SMARCA2: variants seen among roughly 807,000 people sequenced by gnomAD.
SMARCA2 encodes SWI/SNF related BAF chromatin remodeling complex subunit ATPase 2.
Under a neutral mutation model 199.8 loss-of-function variants are expected in SMARCA2, and 61 were observed. The observed-to-expected ratio is 0.31, with a 90% CI of 0.25 to 0.38. The LOEUF (loss-of-function observed/expected upper bound fraction) is 0.38. Ranked by LOEUF, SMARCA2 falls within the 10% of genes least tolerant of loss-of-function variation. SMARCA2 has a pLI of 1.00. For missense variants in SMARCA2, 1,344 were observed against 2,012.2 expected, an observed-to-expected ratio of 0.67 and a Z score of 6.35; for synonymous variants, 935 against 732.0, an observed-to-expected ratio of 1.28 and a Z score of -4.48.
chr9:2,062,219 A>T (rs1211388403), intron 9 of SMARCA2, among the ~76,000 whole-genome samples: 1 of 152,214 alleles, frequency 6.6e-6, no homozygotes, highest in Non-Finnish European at 1.5e-5. Context: ...TCCAGAAAAA[A>T]TTTTTAAAAA....
intron 21 of SMARCA2, 69 bp from the exon 22 acceptor site, chr9:2,101,501 T>G: frequency 1.2e-6 from 1 of 829,642 alleles, no homozygotes; most frequent in Non-Finnish European, 1.9e-6. Flanking sequence ...ATAACCTCAC[T>G]AAAAGAGTAA....
At position 2,074,537 on chromosome 9, in the gene SMARCA2, T is replaced by A. The variant is rs554390519; in HGVS notation, c.1935+914T>A. 4.6e-5 allele frequency among the ~76,000 whole-genome samples: 7 copies of A among 152,210 alleles called. No individual in the cohort carries two copies. The South Asian group carries it at 1.5e-3, about 32-fold the overall frequency. ...TTAATGCTTTTGTAAAGAGAAAGAA[T>A]AATAAAAGTTACATTACAAAAAAGC... On this transcript the variant is annotated intron_variant, in intron 12 of 33. Transcript: ENST00000349721.
Position 2,101,625 on chromosome 9 carries a change from C to A in SMARCA2, c.3125+9C>A. The A allele has an allele frequency of 6.7e-7, 1 of 1,497,926 alleles. No individual in the cohort carries two copies. The highest frequency in any genetic ancestry group is 9.2e-7 in the Non-Finnish European group (1 of 1,084,452). 92.8% of individuals were successfully genotyped at this position (1,497,926 alleles called of 1,614,324 possible). A position where few individuals can be genotyped will look rare whatever the true frequency, so the allele number is the denominator to read the frequency against. On this transcript the variant is annotated intron_variant, in intron 22 of 33. Transcript: ENST00000349721. The stretch of plus-strand genomic sequence containing the variant: ...AATGGGGTCATCAATGGGTAAATCT[C>A]AAATTTTTTTTTCTTTTAAAAAAAA...
At chr9:2,173,466 G>T (rs1826368734) in intron 29 of SMARCA2, among the ~76,000 whole-genome samples, 1 of 152,182 alleles carries the variant, frequency 6.6e-6, no homozygotes, top group African/African-American at 2.4e-5. Context: ...TCATTATAGA[G>T]AAATTACCAT....
intron 31 of SMARCA2, 79 bp downstream of exon 31, chr9:2,182,321 C>G (rs754653448): frequency 2.3e-6 from 2 of 856,026 alleles, no homozygotes; most frequent in Admixed American, 4.4e-5. Flanking sequence ...ATTTCATTTT[C>G]TACCTCTTGA....
chr9:2,043,888 T>C (rs1206302705), intron 4 of SMARCA2: 2 of 152,244 alleles, frequency 1.3e-5, no homozygotes, highest in African/African-American at 4.8e-5. Context: ...AAATGAGGAC[T>C]GAAGGGAAAG....
chr9:2,057,807 A>T (rs1374993135), intron 7 of SMARCA2, among the ~76,000 whole-genome samples: 2 of 152,220 alleles, frequency 1.3e-5, no homozygotes, highest in Admixed American at 6.5e-5. Context: ...GTATATATTT[A>T]AAAAGTGGAT....
intron 22 of SMARCA2, among the ~76,000 whole-genome samples, chr9:2,103,212 A>T (rs1366840432): frequency 1.3e-5 from 2 of 152,164 alleles, no homozygotes; most frequent in African/African-American, 4.8e-5. Context: ...AAATATTTTC[A>T]GCTTTGTGGG....
rs190752913 is a variant in SMARCA2, at chr9:2,097,372, C to T, written c.2992-13C>T. ...ATAATTAATTCTATTTTTCCCTTTC[C>T]ACTGGTTCTTAGGGGAAAGGAGGTG... On this transcript the variant is annotated splice_polypyrimidine_tract_variant and intron_variant, in intron 20 of 33. Coordinates refer to ENST00000349721, the MANE Select transcript of SMARCA2 (RefSeq NM_003070.5). 1.0e-5 allele frequency: 16 copies of T among 1,556,726 alleles called. No individual in the cohort carries two copies. The East Asian group carries it at 2.0e-4, about 20-fold the overall frequency.
rs567348902 is a variant in SMARCA2 at position 2,039,719 on chromosome 9, G to A, written c.609G>A (p.Gln203=). The A allele has an allele frequency of 6.8e-6, 11 of 1,613,990 alleles. No homozygotes were observed. Among genetic ancestry groups the A allele is most frequent in the Non-Finnish European group, 9.3e-6 (11 of 1,180,026 alleles). The change falls in exon 4 of 34, where the codon CAG becomes CAA. Residue 203 remains glutamine, a synonymous_variant. Coordinates refer to ENST00000349721, the MANE Select transcript of SMARCA2 (RefSeq NM_003070.5). The surrounding 1 kb of genome is among the most constrained non-coding windows in gnomAD (Gnocchi z 4.8). ...ARGQPLPETL[Q]LAVQGKRTLP... ...GCCAGCCCCTCCCCGAAACGCTGCA[G>A]CTTGCAGTCCAGGGGAAAAGGACGT...
Position 2,083,359 on chromosome 9 carries a change from C to A in SMARCA2, c.2361C>A (p.Asn787Lys), listed in dbSNP as rs1343138502. 1 of 1,583,984 alleles carries A rather than the reference C, an allele frequency of 6.3e-7. No homozygotes were observed. ...TTTTGTTCCATAGGACTCTATCTAA[C>A]TGGACATATGAATTTGACAAATGGG... ...LIIVPLSTLS[N>K]WTYEFDKWAP... is the part of the protein sequence containing the mutation. Residue 787 changes from asparagine to lysine, a missense_variant, in exon 16 of 34, where the codon AAC becomes AAA. Physicochemically the swap from Asn to Lys is moderately conservative, Grantham distance 94. Transcript: ENST00000349721.
At chr9:2,116,471 A>G (rs1458156760) in intron 25 of SMARCA2, among the ~76,000 whole-genome samples, 2 of 152,242 alleles carry the variant, frequency 1.3e-5, no homozygotes, top group Non-Finnish European at 2.9e-5. Context: ...ATCAGGGATC[A>G]CAGAGCTTCA....
chr9:2,162,027 T>G, intron 28 of SMARCA2, 124 bp downstream of exon 28: 1 of 689,884 alleles, frequency 1.4e-6, no homozygotes, highest in East Asian at 2.7e-5. Flanking sequence ...GTTTGTGTTT[T>G]ATGGCTTTCT....
intron 26 of SMARCA2, among the ~76,000 whole-genome samples, chr9:2,120,079 C>T (rs550044655): frequency 5.3e-5 from 8 of 152,284 alleles, no homozygotes; most frequent in South Asian, 2.1e-4. Context: ...AGATTGTTGA[C>T]GAGAGCCCGC....
chr9:2,048,296 G>C (rs1191099770), intron 5 of SMARCA2, among the ~76,000 whole-genome samples: 1 of 152,178 alleles, frequency 6.6e-6, no homozygotes, highest in East Asian at 1.9e-4. Context: ...GTGGATTCTG[G>C]AGTCTGCCAG....
chr9:2,109,469 G>A (rs368363228), intron 23 of SMARCA2, among the ~76,000 whole-genome samples: 172 of 152,210 alleles, frequency 1.1e-3, no homozygotes, highest in South Asian at 6.4e-3. Flanking sequence ...CTGAGGTTTG[G>A]TACTGTCTGC....
chr9:2,191,384 C>T lies in SMARCA2; in HGVS notation c.4713C>T (p.Asp1571=). 3.1e-6 allele frequency: 5 copies of T among 1,614,158 alleles called. No homozygotes were observed. Among genetic ancestry groups the T allele is most frequent in the Non-Finnish European group, 4.2e-6 (5 of 1,179,996 alleles). The part of the protein sequence containing the change: ...GKAKPVVSDF[D]SDEEQDEREQ... ...CCAAACCTGTAGTGAGCGATTTTGA[C>T]AGCGATGAGGAGCAGGATGAACGTG... The change falls in exon 33 of 34, where the codon GAC becomes GAT. Residue 1571 remains aspartate, a synonymous_variant. Coordinates refer to ENST00000349721, the MANE Select transcript of SMARCA2 (RefSeq NM_003070.5).
intron 27 of SMARCA2, among the ~76,000 whole-genome samples, chr9:2,150,216 T>G (rs548648414): frequency 4.0e-5 from 6 of 151,672 alleles, no homozygotes; most frequent in African/African-American, 1.2e-4. Flanking sequence ...ACTCATAACA[T>G]CCCTAGCATA....
At chr9:2,084,256 A>G in intron 17 of SMARCA2, 60 bp downstream of exon 17, 1 of 867,670 alleles carries the variant, frequency 1.2e-6, no homozygotes, top group Non-Finnish European at 1.9e-6. Flanking sequence ...AATGTGAAGT[A>G]TTGCCCAAGT....
Sources: gnomAD v4.1 joint callset for allele counts (sites outside exome capture counted in the v4.1 genomes callset) on GRCh38, gnomAD v4.1.1 for gene constraint, Gnocchi (gnomAD v3.1) non-coding constraint, MANE v1.5 for transcripts, NCBI Gene and HGNC (gene_info 2026-07-23, HGNC 2026-07-21) for gene names.